Variants in ARHGEF33 observed in about 807,000 individuals in gnomAD.
The protein encoded by ARHGEF33 is Rho guanine nucleotide exchange factor 33.
ARHGEF33 carries 72 observed loss-of-function variants against 101.9 expected under a neutral mutation model. That is an observed-to-expected ratio of 0.71 (90% CI 0.58 to 0.86). The LOEUF (loss-of-function observed/expected upper bound fraction) is 0.86. ARHGEF33 is among the 40% of genes least tolerant of loss of function. ARHGEF33 has a pLI of 0.00. For synonymous variants in ARHGEF33, 499 were observed against 442.5 expected (o/e 1.13, Z -1.60); for missense variants, 1,169 against 1,111.3 (o/e 1.05, Z -0.74).
chr2:38,946,963 C>T (rs1320528517), intron 10 of ARHGEF33, among the ~76,000 whole-genome samples: 1 of 152,152 alleles, frequency 6.6e-6, no homozygotes, highest in Non-Finnish European at 1.5e-5. Context: ...GAAGGAAATA[C>T]AAAGCAGAAT....
intron 4 of ARHGEF33, among the ~76,000 whole-genome samples, chr2:38,924,573 C>T (rs1175859403): frequency 6.6e-6 from 1 of 152,160 alleles, no homozygotes; most frequent in Admixed American, 6.5e-5. Flanking sequence ...TCACTTGTAG[C>T]CTTAGGAATG....
chr2:38,951,420 C>T (rs993125648), intron 11 of ARHGEF33, among the ~76,000 whole-genome samples: 8 of 152,044 alleles, frequency 5.3e-5, no homozygotes, highest in African/African-American at 9.7e-5. Context: ...CCATTGAATA[C>T]GCATGTCGAT....
At position 38,954,357 on chromosome 2, in the gene ARHGEF33, C is replaced by T. The variant is rs1404876853; in HGVS notation, c.1138-16C>T. 3 of 1,495,172 alleles carry T rather than the reference C, an allele frequency of 2.0e-6. No individual in the cohort carries two copies. Among genetic ancestry groups the T allele is most frequent in the East Asian group, 2.5e-5 (1 of 40,582 alleles). 92.6% of individuals were successfully genotyped at this position (1,495,172 alleles called of 1,614,324 possible). ...GGAGGAACACTGAAGAGTAACTTGA[C>T]CTTTCTTTCATTCAGGGTGATGAAG... is the stretch of plus-strand genomic sequence containing the variant. On this transcript the variant is annotated splice_polypyrimidine_tract_variant and intron_variant, in intron 12 of 17. Transcript: ENST00000409978.
At chr2:38,954,342 T>G in intron 12 of ARHGEF33, 31 bp from the exon 13 acceptor site, 5 of 1,371,842 alleles carry the variant, frequency 3.6e-6, no homozygotes, top group Non-Finnish European at 5.1e-6. Context: ...GGAGGAACAC[T>G]GAAGAGTAAC....
Position 38,960,547 on chromosome 2 carries a change from G to A in ARHGEF33, c.2242G>A (p.Gly748Ser), listed in dbSNP as rs1281779454. The change falls in exon 16 of 18, where the codon GGC becomes AGC. Residue 748 changes from glycine (G) to serine (S), a missense_variant. By Grantham distance (56) the Gly-to-Ser change is moderately conservative. Transcript: ENST00000409978. The part of the protein sequence containing the change: ...IKAERAAQAH[G>S]PAAAAVAARG... Reference sequence around the variant, plus strand: ...GGCCGAGCGCGCCGCGCAGGCGCACGGCCCGGCCGCCGCCGCCGTCGCCGC... The same window carrying A: ...GGCCGAGCGCGCCGCGCAGGCGCACAGCCCGGCCGCCGCCGCCGTCGCCGC... 1 of 1,261,066 alleles carries A rather than the reference G, an allele frequency of 7.9e-7. No individual in the cohort carries two copies. 78.1% of individuals were successfully genotyped at this position (1,261,066 alleles called of 1,614,324 possible).
chr2:38,931,842 T>C (rs1572754958), intron 7 of ARHGEF33, among the ~76,000 whole-genome samples: 1 of 152,356 alleles, frequency 6.6e-6, no homozygotes, highest in East Asian at 1.9e-4. Flanking sequence ...GCAAAGCACC[T>C]ATACACAGAA....
At chr2:38,945,373 C>G (rs932856196) in intron 10 of ARHGEF33, among the ~76,000 whole-genome samples, 7 of 152,216 alleles carry the variant, frequency 4.6e-5, no homozygotes, top group African/African-American at 1.7e-4. Flanking sequence ...GGCCTATTTT[C>G]AAGAGTTATT....
intron 16 of ARHGEF33, among the ~76,000 whole-genome samples, chr2:38,961,855 C>G (rs757370700): frequency 6.6e-6 from 1 of 151,822 alleles, no homozygotes; most frequent in Non-Finnish European, 1.5e-5. Flanking sequence ...ATTGTAAAAG[C>G]TGCCTAGAAG....
intron 4 of ARHGEF33, 96 bp downstream of exon 4, chr2:38,921,519 C>T: frequency 1.2e-6 from 1 of 830,028 alleles, no homozygotes; most frequent in Non-Finnish European, 2.0e-6. Context: ...ACAAGTGCTT[C>T]CACATATATC....
At chr2:38,935,982 T>C (rs1667118506) in intron 8 of ARHGEF33, 148 bp downstream of exon 8, 1 of 708,574 alleles carries the variant, frequency 1.4e-6, no homozygotes. Flanking sequence ...GATTCCAAGA[T>C]GTGTACTAGA....
intron 8 of ARHGEF33, among the ~76,000 whole-genome samples, chr2:38,936,072 C>G (rs976835550): frequency 6.6e-6 from 1 of 152,186 alleles, no homozygotes; most frequent in African/African-American, 2.4e-5. Flanking sequence ...TTCATTTTTT[C>G]TGGCTTATTT....
At chr2:38,931,015 CA>C (rs1405371819) in intron 6 of ARHGEF33, 93 bp from the exon 7 acceptor site, 5 of 972,342 alleles carry the variant, frequency 5.1e-6, no homozygotes, top group Non-Finnish European at 7.3e-6. Context: ...CCTAATAATT[CA>C]GACATTTTCT....
chr2:38,957,921 C>A, intron 14 of ARHGEF33, 113 bp from the exon 15 acceptor site: 1 of 1,301,040 alleles, frequency 7.7e-7, no homozygotes, highest in Non-Finnish European at 1.1e-6. Context: ...GAGATAGAGA[C>A]CTTCACAGCA....
chr2:38,893,528 A>G (rs1181847219), intron 1 of ARHGEF33, among the ~76,000 whole-genome samples: 2 of 152,168 alleles, frequency 1.3e-5, no homozygotes, highest in South Asian at 2.1e-4. Flanking sequence ...TATCTTCTTA[A>G]TGAAGCTTTC....
intron 2 of ARHGEF33, among the ~76,000 whole-genome samples, chr2:38,903,113 T>C (rs1276450040): frequency 6.6e-6 from 1 of 152,192 alleles, no homozygotes. Context: ...TAGCCCAGGA[T>C]TTCCACAAAT....
At chr2:38,946,384 G>T (rs1193015330) in intron 10 of ARHGEF33, among the ~76,000 whole-genome samples, 1 of 152,140 alleles carries the variant, frequency 6.6e-6, no homozygotes, top group Non-Finnish European at 1.5e-5. Flanking sequence ...GTTATTTCAA[G>T]ATATCTGCGA....
rs560373347 is a variant in ARHGEF33 at position 38,894,346 on chromosome 2, G to A, written c.-158-1431G>A. ...AAACCTGCCTTTAAAAAAAAAAAAT[G>A]TTGCTTTTGGGCTCTGGATAGCTTC... On this transcript the variant is annotated intron_variant, in intron 1 of 17. Coordinates refer to ENST00000409978, the MANE Select transcript of ARHGEF33 (RefSeq NM_001145451.5). Among the ~76,000 whole-genome samples, 27 of 147,588 alleles carry A rather than the reference G, an allele frequency of 1.8e-4. No individual in the cohort carries two copies. In the South Asian group the frequency reaches 5.8e-3, roughly 32 times the overall value.
chr2:38,960,437 A>G lies in ARHGEF33; in HGVS notation c.2132A>G (p.Glu711Gly), dbSNP rs1475736037. Reference sequence around the variant, plus strand: ...AAGCCGCTGAGCCGCTCTCTCAAAGAGTTCCCGCGTGCGCCGCCAGCCGAC... The same window carrying G: ...AAGCCGCTGAGCCGCTCTCTCAAAGGGTTCCCGCGTGCGCCGCCAGCCGAC... ...KAKPLSRSLK[E>G]FPRAPPADGV... Residue 711 changes from glutamate (E) to glycine (G), a missense_variant, in exon 16 of 18, where the codon GAG becomes GGG. Coordinates refer to ENST00000409978, the MANE Select transcript of ARHGEF33 (RefSeq NM_001145451.5). 1 of 1,499,890 alleles carries G rather than the reference A, an allele frequency of 6.7e-7. No homozygotes were observed. The highest frequency in any genetic ancestry group is 2.6e-5 in the East Asian group (1 of 37,832). The allele number at this position is 1,499,890 out of a possible 1,614,324, so 92.9% of individuals were successfully genotyped here.
intron 1 of ARHGEF33, among the ~76,000 whole-genome samples, chr2:38,895,314 G>T (rs114196005): frequency 6.6e-6 from 1 of 152,110 alleles, no homozygotes; most frequent in South Asian, 2.1e-4. Flanking sequence ...TTCAATTGGC[G>T]CTTAAAGAAA....
Sources: gnomAD v4.1 joint callset for allele counts (sites outside exome capture counted in the v4.1 genomes callset) on GRCh38, gnomAD v4.1.1 for gene constraint, MANE v1.5 for transcripts, NCBI Gene and HGNC (gene_info 2026-07-23, HGNC 2026-07-21) for gene names.